Variants in RUFY3 observed in about 807,000 individuals in gnomAD.
The protein encoded by RUFY3 is RUN and FYVE domain containing 3.
A neutral mutation model predicts 84.0 loss-of-function variants in RUFY3; 34 were observed. The observed-to-expected ratio is 0.40, with a 90% CI of 0.31 to 0.54. The LOEUF (loss-of-function observed/expected upper bound fraction) is 0.54. Among genes scored for constraint, RUFY3 ranks in the 20% least tolerant of loss-of-function variants. The probability of loss-of-function intolerance (pLI) is 0.39; values close to 1 mark genes in which losing one functional copy is unlikely to be tolerated. For synonymous variants in RUFY3, 242 were observed against 252.9 expected (o/e 0.96, Z 0.41); for missense variants, 507 against 736.8 (o/e 0.69, Z 3.61).
intron 5 of RUFY3, among the ~76,000 whole-genome samples, chr4:70,769,379 A>G (rs962861805): frequency 6.6e-6 from 1 of 152,248 alleles, no homozygotes; most frequent in African/African-American, 2.4e-5. Context: ...ACTGTAGTCT[A>G]TTAAGTATGT....
intron 1 of RUFY3, among the ~76,000 whole-genome samples, chr4:70,742,339 A>G (rs1174819401): frequency 6.6e-6 from 1 of 152,128 alleles, no homozygotes; most frequent in Admixed American, 6.6e-5. Flanking sequence ...AAAAATTGAG[A>G]TTTGAATCTA....
chr4:70,707,234 C>G (rs1740437275), intron 1 of RUFY3, among the ~76,000 whole-genome samples: 1 of 152,238 alleles, frequency 6.6e-6, no homozygotes, highest in African/African-American at 2.4e-5. Context: ...ATCTCAGTCT[C>G]TACCTTAGGA....
At chr4:70,737,875 T>C (rs920714679) in intron 1 of RUFY3, among the ~76,000 whole-genome samples, 2 of 151,818 alleles carry the variant, frequency 1.3e-5, no homozygotes, top group Non-Finnish European at 2.9e-5. Context: ...GGTTACACCA[T>C]GTTGCCAGGC....
At chr4:70,759,154 C>T (rs1469443116) in intron 1 of RUFY3, among the ~76,000 whole-genome samples, 3 of 152,144 alleles carry the variant, frequency 2.0e-5, no homozygotes, top group Admixed American at 2.0e-4. Flanking sequence ...CCTATCTTCC[C>T]CTCCTCCATA....
chr4:70,703,808 C>T (rs1172835446), upstream of RUFY3: 1 of 152,172 alleles, frequency 6.6e-6, no homozygotes, highest in Non-Finnish European at 1.5e-5. Flanking sequence ...AGTACAACTT[C>T]CTCTACACAG....
At position 70,709,877 on chromosome 4, in the gene RUFY3, A is replaced by G. The variant is rs142963788; in HGVS notation, c.358+4583A>G. On this transcript the variant is annotated intron_variant, in intron 1 of 11. Coordinates refer to the RUFY3 transcript ENST00000417478. ...CTCCCAGTTAAGGCAGTGTCCAAAAAAGTGTCCCACTCACCAAGTAGCAGC... is the reference window on the plus strand; with the variant it reads ...CTCCCAGTTAAGGCAGTGTCCAAAAGAGTGTCCCACTCACCAAGTAGCAGC... Among the ~76,000 whole-genome samples, 1,081 of 152,326 alleles carry G rather than the reference A, an allele frequency of 7.1e-3. 15 individuals are homozygous for G. Among genetic ancestry groups the G allele is most frequent in the African/African-American group, 0.025 (1,024 of 41,558 alleles).
intron 10 of RUFY3, among the ~76,000 whole-genome samples, chr4:70,786,980 G>A (rs1030350639): frequency 6.6e-6 from 1 of 151,430 alleles, no homozygotes; most frequent in Non-Finnish European, 1.5e-5. Context: ...AGCCCAGCCT[G>A]GGCAACATAG....
At chr4:70,708,386 A>C (rs995012686) in intron 1 of RUFY3, among the ~76,000 whole-genome samples, 3 of 151,840 alleles carry the variant, frequency 2.0e-5, no homozygotes, top group Non-Finnish European at 4.4e-5. Flanking sequence ...GCTGCTCTCG[A>C]ACTAGACTCA....
rs772557888 is a variant in RUFY3 at position 70,793,893 on chromosome 4, C to T, written c.1446C>T (p.Leu482=). ...INSLQLEVEE[L]TRQRNQLELE... Reference sequence around the variant, plus strand: ...GTCTGCAGCTGGAAGTCGAGGAGCTCACCAGGCAGCGGTGAAGAGGGGGTA... The same window carrying T: ...GTCTGCAGCTGGAAGTCGAGGAGCTTACCAGGCAGCGGTGAAGAGGGGGTA... Residue 482 remains leucine, a synonymous_variant, in exon 13 of 18, where the codon CTC becomes CTT. Coordinates refer to ENST00000381006, the MANE Select transcript of RUFY3 (RefSeq NM_001037442.4). 1.9e-6 allele frequency: 3 copies of T among 1,613,936 alleles called. No homozygotes were observed. The highest frequency in any genetic ancestry group is 2.2e-5 in the South Asian group (2 of 91,056).
At chr4:70,718,495 A>C (rs1015316497), upstream of RUFY3, among the ~76,000 whole-genome samples, 2 of 152,146 alleles carry the variant, frequency 1.3e-5, no homozygotes, top group South Asian at 2.1e-4. Flanking sequence ...AGGGCCACAG[A>C]CTGAACTCCC....
intron 8 of RUFY3, among the ~76,000 whole-genome samples, 190 bp from the exon 9 acceptor site, chr4:70,782,901 G>A (rs1055538372): frequency 6.6e-6 from 1 of 151,990 alleles, no homozygotes; most frequent in Non-Finnish European, 1.5e-5. Flanking sequence ...AATAGAGTGA[G>A]GCCCTGTCTC....
intron 14 of RUFY3, among the ~76,000 whole-genome samples, chr4:70,798,304 G>T (rs571765645): frequency 6.6e-6 from 1 of 152,288 alleles, no homozygotes; most frequent in South Asian, 2.1e-4. Flanking sequence ...AGGAGGTTGA[G>T]GCTGCAGTGA....
intron 1 of RUFY3, among the ~76,000 whole-genome samples, chr4:70,740,863 A>G (rs1411374873): frequency 6.6e-6 from 1 of 152,210 alleles, no homozygotes; most frequent in Non-Finnish European, 1.5e-5. Context: ...AACCTCTGGA[A>G]ATGAAAAGCA....
chr4:70,763,703 C>T (rs762902217), intron 3 of RUFY3, 34 bp downstream of exon 3: 1 of 1,596,036 alleles, frequency 6.3e-7, no homozygotes, highest in East Asian at 2.2e-5. Flanking sequence ...TTCTCAGGAA[C>T]AGCATTCTTA....
intron 17 of RUFY3, 43 bp from the exon 18 acceptor site, chr4:70,806,473 C>T (rs1464469211): frequency 1.2e-6 from 2 of 1,609,430 alleles, no homozygotes; most frequent in East Asian, 2.2e-5. Flanking sequence ...ATCCTTATGC[C>T]TTGCTCATCT....
chr4:70,744,404 T>C (rs1411236842), intron 1 of RUFY3, among the ~76,000 whole-genome samples: 1 of 151,872 alleles, frequency 6.6e-6, no homozygotes, highest in Non-Finnish European at 1.5e-5. Flanking sequence ...TCTCACTTTG[T>C]TGCCCAGGCT....
At chr4:70,759,753 A>T (rs1724704943) in intron 1 of RUFY3, among the ~76,000 whole-genome samples, 20 of 152,204 alleles carry the variant, frequency 1.3e-4, no homozygotes, top group Admixed American at 1.3e-3. Flanking sequence ...TATCTCTAAC[A>T]ATCAAATTAC....
chr4:70,800,434 T>A (rs1732075691), intron 15 of RUFY3, among the ~76,000 whole-genome samples: 1 of 152,238 alleles, frequency 6.6e-6, no homozygotes. Flanking sequence ...TGTCCTCTCT[T>A]CCCTGATTAA....
Position 70,807,131 on chromosome 4 carries a change from C to G in RUFY3, c.*472C>G, listed in dbSNP as rs1354932413. ...GTGCTGTTAGTATAAACATTGTTTCCTCTTCACCCCTGCTAACTACCTCTT... is the reference window on the plus strand; with the variant it reads ...GTGCTGTTAGTATAAACATTGTTTCGTCTTCACCCCTGCTAACTACCTCTT... On this transcript the variant is annotated 3_prime_UTR_variant, in exon 18 of 18. Coordinates refer to ENST00000381006, the MANE Select transcript of RUFY3 (RefSeq NM_001037442.4). 1 of 152,330 alleles carries G rather than the reference C, an allele frequency of 6.6e-6. No individual in the cohort carries two copies. The highest frequency in any genetic ancestry group is 1.5e-5 in the Non-Finnish European group (1 of 68,178). The allele number at this position is 152,330 out of a possible 1,614,324, so 9.4% of individuals were successfully genotyped here. A position where few individuals can be genotyped will look rare whatever the true frequency, so the allele number is the denominator to read the frequency against.
Sources: allele counts gnomAD v4.1 joint callset (sites outside exome capture counted in the v4.1 genomes callset), GRCh38; gene constraint gnomAD v4.1.1; transcripts MANE v1.5; gene names NCBI Gene and HGNC (gene_info 2026-07-23, HGNC 2026-07-21).